LARS1: variants seen among roughly 807,000 people sequenced by gnomAD.
LARS1 encodes the protein leucine--tRNA ligase, cytoplasmic.
In LARS1, 100 loss-of-function variants were observed where a neutral mutation model predicts 162.8. The observed-to-expected ratio is 0.61, with a 90% CI of 0.52 to 0.73. The LOEUF is 0.73. LARS1 is among the 30% of genes least tolerant of loss of function. LARS1 has a pLI of 0.00. For missense variants in LARS1, 1,258 were observed against 1,408.9 expected (o/e 0.89, Z 1.71); for synonymous variants, 457 against 462.8 (o/e 0.99, Z 0.16).
chr5:146,174,593 T>TGTATATATCC, intron 2 of LARS1, among the ~76,000 whole-genome samples: 1 of 122,510 alleles, frequency 8.2e-6, no homozygotes, highest in Non-Finnish European at 1.9e-5. Context: ...TATCCATATA[T>TGTATATATCC]ATATATATAT....
At chr5:146,129,748 G>A (rs1289111520) in intron 25 of LARS1, among the ~76,000 whole-genome samples, 1 of 152,072 alleles carries the variant, frequency 6.6e-6, no homozygotes, top group Non-Finnish European at 1.5e-5. Context: ...TTGTTTTTAA[G>A]CAGCTCATAA....
chr5:146,126,576 GAAA>G (rs200980777), intron 27 of LARS1, 31 bp from the exon 28 acceptor site: 7 of 1,481,942 alleles, frequency 4.7e-6, no homozygotes, highest in Non-Finnish European at 6.6e-6. Flanking sequence ...GAGTAATGTA[GAAA>G]AAAAAGTCTC....
At chr5:146,124,952 A>C (rs1751981075) in intron 28 of LARS1, among the ~76,000 whole-genome samples, 1 of 151,850 alleles carries the variant, frequency 6.6e-6, no homozygotes, top group African/African-American at 2.4e-5. Context: ...GGTTCTTCAA[A>C]TTTAAATGAG....
chr5:146,152,126 T>C, intron 13 of LARS1, 124 bp from the exon 14 acceptor site: 1 of 985,938 alleles, frequency 1.0e-6, no homozygotes, highest in African/African-American at 1.6e-5. Context: ...ATTACGACAC[T>C]GCCACACATT....
chr5:146,173,208 C>T (rs184059126), intron 2 of LARS1, among the ~76,000 whole-genome samples: 6 of 151,942 alleles, frequency 3.9e-5, no homozygotes, highest in Admixed American at 2.0e-4. Context: ...GGCGTGATGG[C>T]GTGCGCTGAT....
At position 146,172,757 on chromosome 5, in the gene LARS1, AC is replaced by A; in HGVS notation, c.142del (p.Val48Ter). On this transcript the variant is annotated frameshift_variant, in exon 3 of 32. Transcript: ENST00000394434. LOFTEE classifies it high-confidence loss of function. ...EKQTSKGKYF[V>X]TFPYPYMNGR... ...ATTCATATATGGATATGGGAAGGTT[AC>A]AAAATACTTGCCCTTGCTGCAAAAC... 1.3e-6 allele frequency: 2 copies of A among 1,562,842 alleles called. No individual in the cohort carries two copies. Among genetic ancestry groups the A allele is most frequent in the Admixed American group, 1.9e-5 (1 of 53,142 alleles).
intron 15 of LARS1, among the ~76,000 whole-genome samples, chr5:146,146,947 AGT>A (rs1753036589): frequency 1.3e-5 from 2 of 151,866 alleles, no homozygotes; most frequent in African/African-American, 2.4e-5. Flanking sequence ...CTTGACCTCA[AGT>A]GATCCACCGG....
intron 3 of LARS1, 133 bp from the exon 4 acceptor site, chr5:146,172,123 C>T (rs184314602): frequency 1.8e-5 from 13 of 718,568 alleles, no homozygotes; most frequent in Non-Finnish European, 2.9e-5. Context: ...TTTAGGCATC[C>T]CAAAACTCAC....
chr5:146,172,619 C>A, intron 3 of LARS1, 68 bp downstream of exon 3: 1 of 814,754 alleles, frequency 1.2e-6, no homozygotes, highest in Non-Finnish European at 1.9e-6. Flanking sequence ...CTATAGCTGC[C>A]ATTTTCTTCA....
At chr5:146,177,694 C>A in intron 1 of LARS1, 29 bp from the exon 2 acceptor site, 1 of 1,212,034 alleles carries the variant, frequency 8.3e-7, no homozygotes, top group Non-Finnish European at 1.2e-6. Flanking sequence ...ATAATCCACT[C>A]TGTATTTCAG....
Position 146,160,447 on chromosome 5 carries a change from G to A in LARS1, c.634C>T (p.Pro212Ser), listed in dbSNP as rs759841984. The change falls in exon 7 of 32, where the codon CCT becomes TCT. Residue 212 changes from proline to serine, a missense_variant. Transcript: ENST00000394434. ...CATCTGACAAATGAATCATAGTAAG[G>A]ATTAACATCAGTGGTGATGAAGGAA... is the stretch of plus-strand genomic sequence containing the variant. ...RRSFITTDVN[P>S]YYDSFVRWQF... is the part of the protein sequence containing the mutation. 6.3e-6 allele frequency: 10 copies of A among 1,582,016 alleles called. No individual in the cohort carries two copies. The highest frequency in any genetic ancestry group is 8.6e-6 in the Non-Finnish European group (10 of 1,166,820).
At position 146,153,216 on chromosome 5, in the gene LARS1, T is replaced by G; in HGVS notation, c.1242A>C (p.Ala414=). The change falls in exon 13 of 32, where the codon GCA becomes GCC. Residue 414 remains alanine (A), a synonymous_variant. Coordinates refer to ENST00000394434, the MANE Select transcript of LARS1 (RefSeq NM_020117.11). ...CCATGTCATCTCTAATTCCATATTTTGCTCGTAAGGCCTACAGAAAAATTT... is the reference window on the plus strand; with the variant it reads ...CCATGTCATCTCTAATTCCATATTTGGCTCGTAAGGCCTACAGAAAAATTT... ...RDLKKKQALR[A]KYGIRDDMVL... The G allele has an allele frequency of 6.2e-7, 1 of 1,613,120 alleles. No individual in the cohort carries two copies. The highest frequency in any genetic ancestry group is 8.5e-7 in the Non-Finnish European group (1 of 1,179,422).
chr5:146,179,163 C>T (rs987995415), intron 1 of LARS1, among the ~76,000 whole-genome samples: 16 of 151,998 alleles, frequency 1.1e-4, no homozygotes, highest in African/African-American at 3.9e-4. Context: ...ACCCAAGAGG[C>T]GGTGGTTGCA....
intron 28 of LARS1, among the ~76,000 whole-genome samples, chr5:146,125,188 A>G (rs1246656300): frequency 6.6e-6 from 1 of 152,088 alleles, no homozygotes; most frequent in Non-Finnish European, 1.5e-5. Flanking sequence ...CAATGACACT[A>G]GCCACTGGGG....
intron 31 of LARS1, among the ~76,000 whole-genome samples, chr5:146,116,131 CA>C (rs1335888611): frequency 6.6e-6 from 1 of 152,176 alleles, no homozygotes; most frequent in African/African-American, 2.4e-5. Context: ...AATCTATTCC[CA>C]GACACAGTAC....
At chr5:146,174,524 AT>A (rs1441076351) in intron 2 of LARS1, among the ~76,000 whole-genome samples, 149 of 3,092 alleles carry the variant, frequency 0.048, 12 homozygotes, top group Middle Eastern at 0.5. Context: ...ATATATCCAT[AT>A]ATATATATAT....
intron 15 of LARS1, among the ~76,000 whole-genome samples, chr5:146,145,919 T>G (rs142608102): frequency 6.3e-4 from 96 of 152,250 alleles, no homozygotes; most frequent in Non-Finnish European, 4.4e-4. Context: ...AAAAGCAATA[T>G]GAATGACAAA....
chr5:146,153,613 T>C, intron 12 of LARS1, 121 bp downstream of exon 12: 2 of 705,362 alleles, frequency 2.8e-6, no homozygotes. Flanking sequence ...AGAAACAAGT[T>C]AGAGATAGCA....
chr5:146,164,386 T>C lies in LARS1; in HGVS notation c.518A>G (p.Lys173Arg), dbSNP rs1386938151. Residue 173 changes from lysine (K) to arginine (R), a missense_variant, in exon 6 of 32, where the codon AAA (lysine) becomes AGA (arginine). Physicochemically the swap from Lys to Arg is conservative, Grantham distance 26. Coordinates refer to ENST00000394434, the MANE Select transcript of LARS1 (RefSeq NM_020117.11). ...SLGLSDEEIV[K>R]FSEAEHWLDY... ...AAGCCAATGTTCTGCTTCAGAAAAT[T>C]TTACTATCTCTTCATCAGACAGGCC... 1.9e-6 allele frequency: 3 copies of C among 1,613,940 alleles called. No homozygotes were observed. The African/African-American group carries it at 4.0e-5, about 22-fold the overall frequency.
Sources: gnomAD v4.1 joint callset for allele counts (sites outside exome capture counted in the v4.1 genomes callset) on GRCh38, gnomAD v4.1.1 for gene constraint, MANE v1.5 for transcripts, NCBI Gene and HGNC (gene_info 2026-07-23, HGNC 2026-07-21) for gene names.